Variants in TTC12 observed in about 807,000 individuals in gnomAD.
TTC12 encodes the protein tetratricopeptide repeat domain 12, also known as tetratricopeptide repeat protein 12.
A neutral mutation model predicts 90.1 loss-of-function variants in TTC12; 70 were observed. That is an observed-to-expected ratio of 0.78 (90% CI 0.64 to 0.95). The LOEUF is 0.95. Ranked by LOEUF, TTC12 falls within the 40% of genes least tolerant of loss-of-function variation. The pLI is 0.00. For missense variants in TTC12, 819 were observed against 846.1 expected (o/e 0.97, Z 0.40); for synonymous variants, 296 against 311.5 (o/e 0.95, Z 0.53).
At chr11:113,327,576 A>C (rs1291016868) in intron 6 of TTC12, among the ~76,000 whole-genome samples, 1 of 152,202 alleles carries the variant, frequency 6.6e-6, no homozygotes. Flanking sequence ...TCCTTTTTAA[A>C]ATGTGCAAAA....
In TTC12 at chr11:113,350,949, G is replaced by A. The variant is rs1591598695; in HGVS notation, c.1248-290G>A. The stretch of plus-strand genomic sequence containing the variant: ...ACGCTGTAGACTCAGAGCAGGGGTT[G>A]GGGGTAAGTCAGCTTGGCAGAAGCC... On this transcript the variant is annotated intron_variant, in intron 14 of 21. Coordinates refer to ENST00000529221, the MANE Select transcript of TTC12 (RefSeq NM_017868.4). Among the ~76,000 whole-genome samples the A allele has an allele frequency of 2.0e-5, 3 of 152,334 alleles. No homozygotes were observed. The East Asian group carries it at 5.8e-4, about 29-fold the overall frequency.
At chr11:113,351,399 TCG>T (rs1340944437) in intron 15 of TTC12, 100 bp downstream of exon 15, 7 of 967,532 alleles carry the variant, frequency 7.2e-6, no homozygotes, top group Non-Finnish European at 1.1e-5. Context: ...CTATTGTCTC[TCG>T]GTTGATTAGT....
chr11:113,350,805 C>T (rs1168167446), intron 14 of TTC12, among the ~76,000 whole-genome samples: 2 of 152,358 alleles, frequency 1.3e-5, no homozygotes, highest in African/African-American at 4.8e-5. Context: ...CCAGCTGGCA[C>T]GGGCCGGGGT....
chr11:113,342,578 C>G (rs1555146531), intron 12 of TTC12, among the ~76,000 whole-genome samples: 1 of 152,168 alleles, frequency 6.6e-6, no homozygotes, highest in Non-Finnish European at 1.5e-5. Context: ...GCTATGTCTC[C>G]TTTTCACAGG....
chr11:113,334,318 G>T (rs1555143371), intron 7 of TTC12, among the ~76,000 whole-genome samples: 1 of 152,192 alleles, frequency 6.6e-6, no homozygotes, highest in Non-Finnish European at 1.5e-5. Flanking sequence ...AGGGCCTCCT[G>T]TGTAAATGGT....
intron 11 of TTC12, chr11:113,341,527 A>C (rs1398044520): frequency 2.8e-6 from 1 of 362,130 alleles, no homozygotes; most frequent in Non-Finnish European, 5.2e-6. Flanking sequence ...GGCTTAGGAT[A>C]CCCGTGTGGG....
intron 12 of TTC12, among the ~76,000 whole-genome samples, chr11:113,343,089 G>A (rs113512560): frequency 0.013 from 2,055 of 152,250 alleles, 28 homozygotes; most frequent in Non-Finnish European, 0.023. Flanking sequence ...TAAATGCAAA[G>A]CAGTTTTTCA....
chr11:113,332,728 C>T (rs1255086119), intron 7 of TTC12, among the ~76,000 whole-genome samples: 1 of 152,188 alleles, frequency 6.6e-6, no homozygotes, highest in Non-Finnish European at 1.5e-5. Context: ...TGTCAGCTGC[C>T]TCCTGCAGGT....
At chr11:113,369,454 A>C (rs890531162), downstream of TTC12, among the ~76,000 whole-genome samples, 18 of 117,042 alleles carry the variant, frequency 1.5e-4, no homozygotes, top group Admixed American at 6.5e-4. Flanking sequence ...TTTGCTCTGC[A>C]CTAGGCACCC....
At chr11:113,318,794 A>G (rs1947113991) in intron 2 of TTC12, among the ~76,000 whole-genome samples, 1 of 152,140 alleles carries the variant, frequency 6.6e-6, no homozygotes, top group Admixed American at 6.6e-5. Flanking sequence ...CTTTTGAGGA[A>G]CTAAAAGAAT....
Position 113,347,573 on chromosome 11 carries a change from G to C in TTC12, c.1155-2500G>C, listed in dbSNP as rs1312527154. On this transcript the variant is annotated intron_variant, in intron 13 of 21. Transcript: ENST00000529221. ...AATTATCTCCTTACACTGTGCACAA[G>C]TTGCCTGCCCCGTACTATTCTGGGG... 2.6e-5 allele frequency among the ~76,000 whole-genome samples: 4 copies of C among 152,234 alleles called. No individual in the cohort carries two copies. The East Asian group carries it at 7.7e-4, about 29-fold the overall frequency.
chr11:113,332,533 T>C (rs898778103), intron 7 of TTC12, among the ~76,000 whole-genome samples: 1 of 152,192 alleles, frequency 6.6e-6, no homozygotes, highest in Admixed American at 6.5e-5. Context: ...GACCATTCCT[T>C]TCCTGCTTCC....
chr11:113,368,708 G>T, downstream of TTC12: 1 of 584,486 alleles, frequency 1.7e-6, no homozygotes, highest in Non-Finnish European at 3.1e-6. Context: ...TGCTGCAACA[G>T]GTCACGGGCT....
intron 21 of TTC12, among the ~76,000 whole-genome samples, chr11:113,372,083 G>T (rs1950401266): frequency 1.3e-5 from 2 of 152,170 alleles, no homozygotes; most frequent in African/African-American, 4.8e-5. Context: ...TACCCTAAAG[G>T]TGGGGGATAA....
intron 2 of TTC12, among the ~76,000 whole-genome samples, chr11:113,316,924 A>G (rs1401309703): frequency 6.6e-6 from 1 of 152,220 alleles, no homozygotes; most frequent in Non-Finnish European, 1.5e-5. Flanking sequence ...GAGTATAGAA[A>G]CAAACAAACC....
At chr11:113,337,438 G>A (rs1948435517) in intron 8 of TTC12, among the ~76,000 whole-genome samples, 1 of 152,178 alleles carries the variant, frequency 6.6e-6, no homozygotes, top group Non-Finnish European at 1.5e-5. Context: ...GTAAGAAAAG[G>A]CTTTCTAAAG....
At chr11:113,325,711 A>G (rs1947646155) in intron 6 of TTC12, 66 bp downstream of exon 6, 2 of 1,594,452 alleles carry the variant, frequency 1.3e-6, no homozygotes, top group Non-Finnish European at 1.7e-6. Flanking sequence ...ACTTGGGAAA[A>G]CAAAGATGAG....
intron 11 of TTC12, 75 bp downstream of exon 11, chr11:113,340,808 G>T: frequency 1.6e-6 from 2 of 1,268,198 alleles, no homozygotes; most frequent in Non-Finnish European, 2.3e-6. Flanking sequence ...CAGACACGAG[G>T]CACATAGACA....
chr11:113,340,536 G>A, intron 10 of TTC12, 128 bp from the exon 11 acceptor site: 3 of 696,954 alleles, frequency 4.3e-6, no homozygotes, highest in Non-Finnish European at 7.8e-6. Context: ...ATTTGTTCCT[G>A]CCAAACCATT....
Sources: allele counts gnomAD v4.1 joint callset (sites outside exome capture counted in the v4.1 genomes callset), GRCh38; gene constraint gnomAD v4.1.1; transcripts MANE v1.5; gene names NCBI Gene and HGNC (gene_info 2026-07-23, HGNC 2026-07-21).